The following CTNND2 variants were observed in gnomAD, a reference collection of about 807,000 sequenced individuals.
CTNND2 encodes catenin delta-2.
In CTNND2, 22 loss-of-function variants were observed where a neutral mutation model predicts 144.4. That is an observed-to-expected ratio of 0.15 (90% CI 0.11 to 0.22). The LOEUF is 0.22. CTNND2 is among the 10% of genes least tolerant of loss of function. The pLI, the probability that CTNND2 is intolerant of heterozygous loss-of-function variation, is 1.00. For missense variants in CTNND2, 1,353 were observed against 1,618.8 expected (o/e 0.84, Z 2.82); for synonymous variants, 751 against 695.6 (o/e 1.08, Z -1.25).
chr5:11,531,781 C>T (rs1561521904), intron 3 of CTNND2, among the ~76,000 whole-genome samples: 1 of 152,168 alleles, frequency 6.6e-6, no homozygotes, highest in African/African-American at 2.4e-5. Flanking sequence ...CTTTTTCAGC[C>T]TTCCTTTCTA....
chr5:11,620,545 C>T (rs1276396500), intron 2 of CTNND2, among the ~76,000 whole-genome samples: 1 of 152,196 alleles, frequency 6.6e-6, no homozygotes, highest in Non-Finnish European at 1.5e-5. Flanking sequence ...CTCCCTCTGC[C>T]TCCTGACTGG....
chr5:11,686,934 T>C (rs913414851), intron 2 of CTNND2, among the ~76,000 whole-genome samples: 1 of 150,656 alleles, frequency 6.6e-6, no homozygotes, highest in East Asian at 1.9e-4. Context: ...AAATAGAAAA[T>C]GCAGTTAAGA....
intron 2 of CTNND2, among the ~76,000 whole-genome samples, chr5:11,625,730 C>T (rs935316317): frequency 6.6e-6 from 1 of 151,938 alleles, no homozygotes. Flanking sequence ...GACTTGTCTC[C>T]AATATACATG....
chr5:11,880,387 A>C (rs1735946906), intron 1 of CTNND2, among the ~76,000 whole-genome samples: 1 of 151,860 alleles, frequency 6.6e-6, no homozygotes, highest in African/African-American at 2.4e-5. Flanking sequence ...TTAAGATGGT[A>C]ATTTTAAAGA....
chr5:11,635,360 A>G (rs1781629492), intron 2 of CTNND2, among the ~76,000 whole-genome samples: 1 of 152,166 alleles, frequency 6.6e-6, no homozygotes, highest in Non-Finnish European at 1.5e-5. Flanking sequence ...AAGCATGAGG[A>G]AGCAAAAAAG....
chr5:11,488,536 T>C (rs1244346483), intron 3 of CTNND2, among the ~76,000 whole-genome samples: 1 of 152,222 alleles, frequency 6.6e-6, no homozygotes, highest in Non-Finnish European at 1.5e-5. Context: ...CTTAAGCAGC[T>C]TAAGTAAAAA....
intron 9 of CTNND2, among the ~76,000 whole-genome samples, chr5:11,242,228 A>C (rs549755059): frequency 8.5e-5 from 13 of 152,324 alleles, no homozygotes; most frequent in African/African-American, 2.9e-4. Flanking sequence ...GTCAGTTGCC[A>C]AGGTTCTCTG....
intron 2 of CTNND2, among the ~76,000 whole-genome samples, chr5:11,669,931 G>A (rs1302611769): frequency 1.3e-5 from 2 of 152,174 alleles, no homozygotes; most frequent in African/African-American, 4.8e-5. Flanking sequence ...ATGTGTCCCA[G>A]AGATTCCAGT....
At chr5:11,158,805 A>T (rs1758474127) in intron 12 of CTNND2, among the ~76,000 whole-genome samples, 1 of 152,190 alleles carries the variant, frequency 6.6e-6, no homozygotes, top group African/African-American at 2.4e-5. Context: ...GGTGTTTTCA[A>T]TCACCCCTTT....
At chr5:11,538,073 C>A (rs1375022684) in intron 3 of CTNND2, among the ~76,000 whole-genome samples, 2 of 152,192 alleles carry the variant, frequency 1.3e-5, no homozygotes, top group Non-Finnish European at 2.9e-5. Flanking sequence ...TGGAGCTGAC[C>A]ATCCATTCCC....
chr5:11,492,491 CTATATA>C (rs67244381), intron 3 of CTNND2, among the ~76,000 whole-genome samples: 1 of 134,232 alleles, frequency 7.4e-6, no homozygotes, highest in Non-Finnish European at 1.6e-5. Flanking sequence ...CTTTCTACAG[CTATATA>C]TATATATATG....
At chr5:11,175,076 T>C (rs984161567) in intron 11 of CTNND2, among the ~76,000 whole-genome samples, 1 of 152,168 alleles carries the variant, frequency 6.6e-6, no homozygotes, top group Admixed American at 6.5e-5. Context: ...TACCAAAACT[T>C]TGGAATTTCT....
At chr5:11,376,973 C>A (rs551636842) in intron 7 of CTNND2, among the ~76,000 whole-genome samples, 1 of 151,934 alleles carries the variant, frequency 6.6e-6, no homozygotes, top group East Asian at 2.0e-4. Context: ...ATTTTAATTG[C>A]TTATCACTCT....
chr5:11,454,180 G>A (rs1262777954), intron 3 of CTNND2, among the ~76,000 whole-genome samples: 1 of 152,188 alleles, frequency 6.6e-6, no homozygotes, highest in Non-Finnish European at 1.5e-5. Context: ...CCAGCACTTG[G>A]AGAGGCCGAG....
At chr5:11,084,724 G>A (rs764690558) in intron 15 of CTNND2, among the ~76,000 whole-genome samples, 3 of 151,996 alleles carry the variant, frequency 2.0e-5, no homozygotes, top group African/African-American at 4.8e-5. Flanking sequence ...GGCCCCATGC[G>A]ACTGGCTTAT....
At chr5:11,110,584 C>T (rs754309913) in intron 14 of CTNND2, among the ~76,000 whole-genome samples, 8 of 152,146 alleles carry the variant, frequency 5.3e-5, no homozygotes, top group Non-Finnish European at 7.4e-5. Flanking sequence ...ACAGCGCCTG[C>T]TCAGAGGTGG....
chr5:11,847,175 T>TGC (rs1794789061), intron 1 of CTNND2, among the ~76,000 whole-genome samples: 1 of 104,498 alleles, frequency 9.6e-6, no homozygotes, highest in Non-Finnish European at 2.1e-5. Flanking sequence ...TATATATATA[T>TGC]GCACACCCAT....
At chr5:11,562,918 C>T (rs918901718) in intron 3 of CTNND2, among the ~76,000 whole-genome samples, 2 of 152,194 alleles carry the variant, frequency 1.3e-5, no homozygotes, top group African/African-American at 4.8e-5. Context: ...AACTATACGG[C>T]TCTCACTGAC....
At chr5:11,397,277 A>ATAATT in intron 5 of CTNND2, 74 bp from the exon 6 acceptor site, 1 of 1,325,646 alleles carries the variant, frequency 7.5e-7, no homozygotes, top group Non-Finnish European at 1.0e-6. Context: ...ATTTATTGAG[A>ATAATT]GTAGCCTAGA....
Sources: gnomAD v4.1 joint callset for allele counts (sites outside exome capture counted in the v4.1 genomes callset) on GRCh38, gnomAD v4.1.1 for gene constraint, MANE v1.5 for transcripts, NCBI Gene and HGNC (gene_info 2026-07-23, HGNC 2026-07-21) for gene names.